Variants in DYNLRB2 observed in about 807,000 individuals in gnomAD.
DYNLRB2 encodes dynein light chain roadblock-type 2.
DYNLRB2 carries 14 observed loss-of-function variants against 12.6 expected under a neutral mutation model. The ratio of observed to expected loss-of-function variants is 1.11; its 90% CI spans 0.73 to 1.73. DYNLRB2 has a LOEUF of 1.73. Among genes scored for constraint, DYNLRB2 ranks in the 40% most tolerant of loss-of-function variants. The pLI is 0.00. For synonymous variants in DYNLRB2, 53 were observed against 37.0 expected (o/e 1.43, Z -1.57); for missense variants, 142 against 117.7 (o/e 1.21, Z -0.95).
intron 1 of DYNLRB2, 121 bp downstream of exon 1, chr16:80,541,200 G>A: frequency 1.4e-6 from 2 of 1,455,952 alleles, no homozygotes; most frequent in Non-Finnish European, 1.8e-6. Flanking sequence ...GGCGGAGGCT[G>A]GTGGCTCCAG....
At chr16:80,545,544 TAC>T (rs1319989178) in intron 2 of DYNLRB2, among the ~76,000 whole-genome samples, 4 of 152,040 alleles carry the variant, frequency 2.6e-5, no homozygotes, top group Non-Finnish European at 4.4e-5. Flanking sequence ...AGGGATATGT[TAC>T]AGTGATCACC....
At chr16:80,546,156 G>C (rs1904453392) in intron 2 of DYNLRB2, among the ~76,000 whole-genome samples, 2 of 152,108 alleles carry the variant, frequency 1.3e-5, no homozygotes. Context: ...TATATAACAA[G>C]GGTGTTTATT....
intron 2 of DYNLRB2, 147 bp downstream of exon 2, chr16:80,543,498 T>C: frequency 2.7e-6 from 2 of 733,602 alleles, no homozygotes; most frequent in Non-Finnish European, 4.4e-6. Context: ...ACCAAACATC[T>C]ATTGAGTATC....
Position 80,543,306 on chromosome 16 carries a change from C to A in DYNLRB2, c.34C>A (p.Gln12Lys). The A allele has an allele frequency of 6.2e-7, 1 of 1,613,966 alleles. No homozygotes were observed. ...AEVEETLKRI[Q>K]SHKGVIGTMV... is the part of the protein sequence containing the mutation. ...GGTGGAGGAAACCTTAAAGAGGATC[C>A]AGAGTCATAAAGGGGTTATTGGAAC... Residue 12 changes from glutamine to lysine, a missense_variant, in exon 2 of 4, where the codon CAG becomes AAG. Physicochemically the swap from Gln to Lys is moderately conservative, Grantham distance 53. Coordinates refer to ENST00000305904, the MANE Select transcript of DYNLRB2 (RefSeq NM_130897.3).
rs1904794600 is a variant in DYNLRB2 at position 80,550,728 on chromosome 16, GT to G, written c.*172del. The G allele has an allele frequency of 2.8e-6, 2 of 706,888 alleles. No individual in the cohort carries two copies. Among genetic ancestry groups the G allele is most frequent in the African/African-American group, 3.6e-5 (2 of 55,912 alleles). 43.8% of individuals were successfully genotyped at this position (706,888 alleles called of 1,614,324 possible). ...TAGTCCCTTTTGATTATATTGTGAA[GT>G]TGTACTTTAGTGATACAATAAGTGA... On this transcript the variant is annotated 3_prime_UTR_variant, in exon 4 of 4. Transcript: ENST00000305904.
At chr16:80,543,454 A>C in intron 2 of DYNLRB2, 103 bp downstream of exon 2, 1 of 1,047,906 alleles carries the variant, frequency 9.5e-7, no homozygotes, top group Non-Finnish European at 1.4e-6. Context: ...GACATCAAAA[A>C]TATATTTATA....
chr16:80,549,730 G>T (rs1904723569), intron 3 of DYNLRB2, 79 bp downstream of exon 3: 1 of 1,393,872 alleles, frequency 7.2e-7, no homozygotes, highest in South Asian at 1.5e-5. Context: ...TGAATGGTAA[G>T]TACAGATTTT....
Position 80,541,070 on chromosome 16 carries a change from C to A in DYNLRB2, c.-7C>A. On this transcript the variant is annotated 5_prime_UTR_variant, in exon 1 of 4. Transcript: ENST00000305904. ...CGGCCTGAGCCCAGAGTTTCGCGGCCTCCGCGATGGTAAATCTGGGGTCTC... is the reference window on the plus strand; with the variant it reads ...CGGCCTGAGCCCAGAGTTTCGCGGCATCCGCGATGGTAAATCTGGGGTCTC... 2 of 1,608,272 alleles carry A rather than the reference C, an allele frequency of 1.2e-6. No individual in the cohort carries two copies. The highest frequency in any genetic ancestry group is 1.7e-6 in the Non-Finnish European group (2 of 1,176,806).
At chr16:80,547,573 A>G (rs1904555033) in intron 2 of DYNLRB2, among the ~76,000 whole-genome samples, 1 of 152,218 alleles carries the variant, frequency 6.6e-6, no homozygotes, top group African/African-American at 2.4e-5. Context: ...AGACCTGAGC[A>G]TCTGATTCAT....
intron 2 of DYNLRB2, among the ~76,000 whole-genome samples, chr16:80,547,295 A>G (rs1322709582): frequency 2.0e-5 from 3 of 152,212 alleles, no homozygotes; most frequent in Non-Finnish European, 4.4e-5. Context: ...GAATAGACCT[A>G]GAATGTCTCT....
At chr16:80,546,122 T>G (rs1334173784) in intron 2 of DYNLRB2, among the ~76,000 whole-genome samples, 1 of 152,216 alleles carries the variant, frequency 6.6e-6, no homozygotes, top group African/African-American at 2.4e-5. Flanking sequence ...CTTATTTTTA[T>G]GGTTCGATTG....
At chr16:80,546,894 GC>G (rs1330314053) in intron 2 of DYNLRB2, among the ~76,000 whole-genome samples, 2 of 152,200 alleles carry the variant, frequency 1.3e-5, no homozygotes, top group African/African-American at 4.8e-5. Context: ...AATAATGAGT[GC>G]TGGCTTACTA....
intron 2 of DYNLRB2, among the ~76,000 whole-genome samples, chr16:80,547,167 T>G (rs1308526120): frequency 6.6e-6 from 1 of 152,154 alleles, no homozygotes. Flanking sequence ...CACTGATGAG[T>G]GACTTATGTG....
intron 2 of DYNLRB2, among the ~76,000 whole-genome samples, chr16:80,545,438 T>C (rs1202343429): frequency 6.6e-6 from 1 of 152,064 alleles, no homozygotes; most frequent in African/African-American, 2.4e-5. Context: ...CAGTATTAGA[T>C]GAAAAAAGCA....
chr16:80,543,431 C>CGTTT, intron 2 of DYNLRB2, 80 bp downstream of exon 2: 1 of 1,354,260 alleles, frequency 7.4e-7, no homozygotes, highest in South Asian at 1.3e-5. Context: ...TTAAGACAAA[C>CGTTT]ATCTTCGAAT....
At chr16:80,546,026 A>G (rs1904445014) in intron 2 of DYNLRB2, among the ~76,000 whole-genome samples, 1 of 152,220 alleles carries the variant, frequency 6.6e-6, no homozygotes, top group South Asian at 2.1e-4. Context: ...ATTAGAATTC[A>G]GGACACTTTT....
intron 2 of DYNLRB2, chr16:80,548,886 C>G (rs757453142): frequency 1.3e-4 from 60 of 454,260 alleles, no homozygotes; most frequent in Non-Finnish European, 2.4e-4. Context: ...GTGAGGAGTC[C>G]CTTTTGATGT....
chr16:80,550,324 G>C (rs1306676072), intron 3 of DYNLRB2, among the ~76,000 whole-genome samples, 191 bp from the exon 4 acceptor site: 1 of 152,122 alleles, frequency 6.6e-6, no homozygotes, highest in African/African-American at 2.4e-5. Context: ...AATGAAATCA[G>C]AATCTCTGAG....
At position 80,550,552 on chromosome 16, in the gene DYNLRB2, T is replaced by C; in HGVS notation, c.285T>C (p.Cys95=). Residue 95 remains cysteine, a synonymous_variant, in exon 4 of 4, where the codon TGT becomes TGC. Transcript: ENST00000305904. ...TTCTGATCGTCATTCAGAATCCATG[T>C]GAATAGACCTGCGATGGCCAAGGCT... ...EYLLIVIQNP[C]E is the part of the protein sequence containing the mutation. 6.2e-7 allele frequency: 1 copy of C among 1,614,228 alleles called. No homozygotes were observed. Among genetic ancestry groups the C allele is most frequent in the Non-Finnish European group, 8.5e-7 (1 of 1,180,034 alleles).
Sources: gnomAD v4.1 joint callset for allele counts (sites outside exome capture counted in the v4.1 genomes callset) on GRCh38, gnomAD v4.1.1 for gene constraint, MANE v1.5 for transcripts, NCBI Gene and HGNC (gene_info 2026-07-23, HGNC 2026-07-21) for gene names.